The following CCNC variants were observed in gnomAD, a reference collection of about 807,000 sequenced individuals.
The protein encoded by CCNC is cyclin-C.
Under a neutral mutation model 50.0 loss-of-function variants are expected in CCNC, and 19 were observed. The ratio of observed to expected loss-of-function variants is 0.38; its 90% CI spans 0.27 to 0.56. The LOEUF is 0.56. Among genes scored for constraint, CCNC ranks in the 20% least tolerant of loss-of-function variants. The pLI, the probability that CCNC is intolerant of heterozygous loss-of-function variation, is 0.72. For synonymous variants in CCNC, 93 were observed against 103.7 expected, an observed-to-expected ratio of 0.90 and a Z score of 0.63; for missense variants, 200 against 327.1, an observed-to-expected ratio of 0.61 and a Z score of 3.00.
chr6:99,549,386 G>C (rs1802202888), intron 9 of CCNC, 122 bp downstream of exon 9: 2 of 722,170 alleles, frequency 2.8e-6, no homozygotes, highest in Non-Finnish European at 5.0e-6. Flanking sequence ...TCACATGCAA[G>C]GATTAGTCTA....
chr6:99,561,420 T>G lies in CCNC; in HGVS notation c.241A>C (p.Ile81Leu). 2 of 1,574,012 alleles carry G rather than the reference T, an allele frequency of 1.3e-6. No homozygotes were observed. Among genetic ancestry groups the G allele is most frequent in the South Asian group, 2.4e-5 (2 of 84,830 alleles). Residue 81 changes from isoleucine to leucine, a missense_variant, in exon 4 of 12, where the codon ATA (isoleucine) becomes CTA (leucine). Physicochemically the swap from Ile to Leu is conservative, Grantham distance 5 (BLOSUM62 2). Transcript: ENST00000520429. The part of the protein sequence containing the change: ...RFYARYSLKS[I>L]DPVLMAPTCV... ...GTAGGAGCCATTAATACAGGATCTA[T>G]ACTTTTCAGAGAATACCTAAAATAT...
chr6:99,546,338 A>T, intron 10 of CCNC, 57 bp downstream of exon 10: 1 of 1,122,088 alleles, frequency 8.9e-7, no homozygotes, highest in South Asian at 1.3e-5. Flanking sequence ...GGCTCATGAT[A>T]AGTAAATATG....
intron 5 of CCNC, among the ~76,000 whole-genome samples, chr6:99,553,671 CTAAT>C (rs1802397509): frequency 6.6e-6 from 1 of 152,084 alleles, no homozygotes; most frequent in African/African-American, 2.4e-5. Context: ...CAAACTCTAC[CTAAT>C]TATATTCCTC....
chr6:99,558,305 T>C (rs961846766), intron 5 of CCNC, 192 bp downstream of exon 5: 1 of 712,834 alleles, frequency 1.4e-6, no homozygotes, highest in Non-Finnish European at 2.1e-6. Flanking sequence ...AGTAATATCT[T>C]TATATCTTTT....
intron 2 of CCNC, 107 bp downstream of exon 2, chr6:99,562,734 CA>C (rs1414793227): frequency 3.3e-5 from 20 of 603,848 alleles, no homozygotes; most frequent in Admixed American, 6.9e-5. Context: ...CCTGTATAAG[CA>C]AAAATGTTAG....
chr6:99,564,059 A>G (rs923400380), intron 1 of CCNC, among the ~76,000 whole-genome samples: 1 of 152,158 alleles, frequency 6.6e-6, no homozygotes, highest in Non-Finnish European at 1.5e-5. Flanking sequence ...ATTGATACAC[A>G]TTGTCAGTTT....
At chr6:99,548,422 G>A (rs1011705513) in intron 9 of CCNC, among the ~76,000 whole-genome samples, 1 of 152,130 alleles carries the variant, frequency 6.6e-6, no homozygotes, top group Admixed American at 6.5e-5. Context: ...ATGTAAGAAG[G>A]CCAAGAAACA....
At chr6:99,561,926 A>G in intron 2 of CCNC, 1 of 255,968 alleles carries the variant, frequency 3.9e-6, no homozygotes, top group Non-Finnish European at 7.4e-6. Flanking sequence ...CACAGGAAAA[A>G]ATTATTCATC....
chr6:99,568,687 G>C, upstream of CCNC: 5 of 1,479,020 alleles, frequency 3.4e-6, no homozygotes, highest in Non-Finnish European at 3.6e-6. Context: ...TGGCCCCCTA[G>C]TCTCCTTCAC....
At chr6:99,564,328 G>C (rs1769014153) in intron 1 of CCNC, among the ~76,000 whole-genome samples, 1 of 150,188 alleles carries the variant, frequency 6.7e-6, no homozygotes, top group East Asian at 2.0e-4. Context: ...GGGAGGCGGA[G>C]ACAGGAGAAC....
chr6:99,544,999 C>A, intron 11 of CCNC, 113 bp downstream of exon 11: 1 of 609,642 alleles, frequency 1.6e-6, no homozygotes, highest in Non-Finnish European at 2.9e-6. Flanking sequence ...TAACATGGAT[C>A]ATGAAGTTTT....
intron 11 of CCNC, chr6:99,543,914 A>G: frequency 7.0e-6 from 9 of 1,279,206 alleles, no homozygotes; most frequent in Non-Finnish European, 8.9e-6. Context: ...GTATCACTCA[A>G]CATAGAGATT....
chr6:99,551,160 G>A, intron 6 of CCNC, 132 bp from the exon 7 acceptor site: 1 of 366,792 alleles, frequency 2.7e-6, no homozygotes. Flanking sequence ...TAAAAATCCA[G>A]ACAATAAACA....
chr6:99,560,028 A>C (rs1802710972), intron 4 of CCNC, among the ~76,000 whole-genome samples: 1 of 152,100 alleles, frequency 6.6e-6, no homozygotes, highest in East Asian at 1.9e-4. Flanking sequence ...CCTAGGAATA[A>C]TTCTTTATCC....
In CCNC at chr6:99,551,825, A is replaced by G; in HGVS notation, c.402+15T>C. On this transcript the variant is annotated intron_variant, in intron 6 of 11. Coordinates refer to ENST00000520429, the MANE Select transcript of CCNC (RefSeq NM_005190.4). ...ATAGCTTTGATAATTGTTCCATTTTATATCATATACTTACATGATTCATCC... is the reference window on the plus strand; with the variant it reads ...ATAGCTTTGATAATTGTTCCATTTTGTATCATATACTTACATGATTCATCC... 1 of 1,361,664 alleles carries G rather than the reference A, an allele frequency of 7.3e-7. No homozygotes were observed. Among genetic ancestry groups the G allele is most frequent in the Non-Finnish European group, 9.9e-7 (1 of 1,013,892 alleles). The allele number at this position is 1,361,664 out of a possible 1,614,324, so 84.3% of individuals were successfully genotyped here.
chr6:99,550,965 A>G, intron 7 of CCNC, 28 bp downstream of exon 7: 2 of 971,186 alleles, frequency 2.1e-6, no homozygotes, highest in Non-Finnish European at 3.0e-6. Context: ...AAATGTTTTA[A>G]TCTATTAATC....
chr6:99,565,357 T>A (rs1174139526), intron 1 of CCNC, among the ~76,000 whole-genome samples: 1 of 152,036 alleles, frequency 6.6e-6, no homozygotes, highest in East Asian at 1.9e-4. Context: ...TATATTTCTT[T>A]ATATTTTTCC....
chr6:99,543,879 G>GTATGGGATT, intron 11 of CCNC: 1 of 1,295,994 alleles, frequency 7.7e-7, no homozygotes. Flanking sequence ...TTAAATTAGG[G>GTATGGGATT]TATGGGATTT....
chr6:99,553,960 G>C (rs1042752987), intron 5 of CCNC, among the ~76,000 whole-genome samples: 4 of 151,878 alleles, frequency 2.6e-5, no homozygotes, highest in Non-Finnish European at 5.9e-5. Flanking sequence ...ACTTTTTTCA[G>C]ATCTCCTTAG....
Sources: gnomAD v4.1 joint callset for allele counts (sites outside exome capture counted in the v4.1 genomes callset) on GRCh38, gnomAD v4.1.1 for gene constraint, MANE v1.5 for transcripts, NCBI Gene and HGNC (gene_info 2026-07-23, HGNC 2026-07-21) for gene names.